Variants in FSTL4 observed in about 807,000 individuals in gnomAD.
The protein encoded by FSTL4 is follistatin-related protein 4.
FSTL4 carries 28 observed loss-of-function variants against 78.2 expected under a neutral mutation model. The ratio of observed to expected loss-of-function variants is 0.36; its 90% CI spans 0.27 to 0.49. The LOEUF (loss-of-function observed/expected upper bound fraction) is 0.49. FSTL4 is among the 20% of genes least tolerant of loss of function. The pLI is 0.98. For synonymous variants in FSTL4, 422 were observed against 440.5 expected (o/e 0.96, Z 0.53); for missense variants, 922 against 1,084.9 (o/e 0.85, Z 2.11).
chr5:133,325,300 G>C (rs561855969), intron 4 of FSTL4, among the ~76,000 whole-genome samples: 1 of 152,314 alleles, frequency 6.6e-6, no homozygotes, highest in Non-Finnish European at 1.5e-5. Context: ...TGGACCATCT[G>C]TGTTCTTGGG....
intron 3 of FSTL4, among the ~76,000 whole-genome samples, chr5:133,430,765 T>C (rs973570873): frequency 6.6e-6 from 1 of 152,184 alleles, no homozygotes; most frequent in African/African-American, 2.4e-5. Context: ...TTTTGAAGAA[T>C]GCACCCATAA....
chr5:133,391,394 G>A (rs1755846594), intron 4 of FSTL4, among the ~76,000 whole-genome samples: 2 of 152,164 alleles, frequency 1.3e-5, no homozygotes, highest in African/African-American at 4.8e-5. Context: ...GAGCACCTGA[G>A]CCACCGGCAC....
chr5:133,313,863 A>T (rs1753843560), intron 5 of FSTL4, among the ~76,000 whole-genome samples: 1 of 152,188 alleles, frequency 6.6e-6, no homozygotes, highest in South Asian at 2.1e-4. Context: ...TATAGGACTG[A>T]CAAGTTCTTC....
chr5:133,620,508 A>C, the FSTL4 span, among the ~76,000 whole-genome samples: 1 of 152,216 alleles, frequency 6.6e-6, no homozygotes, highest in African/African-American at 2.4e-5. Context: ...TTGTAGACTT[A>C]ACATTTTTTG....
At chr5:133,503,744 C>G (rs770420109) in intron 3 of FSTL4, among the ~76,000 whole-genome samples, 5 of 152,234 alleles carry the variant, frequency 3.3e-5, no homozygotes, top group Non-Finnish European at 7.3e-5. Context: ...AGCCAACAGC[C>G]TATGTGCTCT....
chr5:133,256,221 A>C (rs1254698587), intron 6 of FSTL4, among the ~76,000 whole-genome samples: 1 of 152,206 alleles, frequency 6.6e-6, no homozygotes, highest in Non-Finnish European at 1.5e-5. Context: ...GCGCTTAGAC[A>C]CATCTCTCTA....
intron 6 of FSTL4, among the ~76,000 whole-genome samples, chr5:133,278,885 C>T (rs1159430878): frequency 6.6e-6 from 1 of 152,230 alleles, no homozygotes; most frequent in Non-Finnish European, 1.5e-5. Context: ...TCAACTAAAG[C>T]CCAGATGGCA....
chr5:133,552,383 T>C (rs1008449419), intron 3 of FSTL4, among the ~76,000 whole-genome samples: 1 of 152,140 alleles, frequency 6.6e-6, no homozygotes, highest in African/African-American at 2.4e-5. Context: ...GTGAGGACTG[T>C]GGAAAAGCAG....
chr5:133,496,388 C>T (rs943093941), intron 3 of FSTL4, among the ~76,000 whole-genome samples: 6 of 152,338 alleles, frequency 3.9e-5, no homozygotes, highest in African/African-American at 1.4e-4. Context: ...TGCTAACCCC[C>T]TTCAGAGGGC....
the FSTL4 span, among the ~76,000 whole-genome samples, chr5:133,772,970 T>C: frequency 0.2 from 30,073 of 152,008 alleles, 3,253 homozygotes; most frequent in East Asian, 0.41. Context: ...AAGCACTTAA[T>C]ATGGCACCTA....
At chr5:133,652,931 A>G in the FSTL4 span, among the ~76,000 whole-genome samples, 1 of 152,142 alleles carries the variant, frequency 6.6e-6, no homozygotes, top group Non-Finnish European at 1.5e-5. Context: ...TGGGGGTTTA[A>G]TTTTCATTAT....
At chr5:133,599,857 G>A (rs978531283) in intron 2 of FSTL4, among the ~76,000 whole-genome samples, 1 of 151,320 alleles carries the variant, frequency 6.6e-6, no homozygotes, top group Non-Finnish European at 1.5e-5. Context: ...TGGGGGGGCG[G>A]CCACTGCAGC....
chr5:133,294,050 C>T (rs1753330050), intron 6 of FSTL4, among the ~76,000 whole-genome samples: 1 of 152,186 alleles, frequency 6.6e-6, no homozygotes, highest in Admixed American at 6.5e-5. Context: ...TTCCCACTCC[C>T]ATACCTGCCT....
rs538624460 is a variant in FSTL4, at chr5:133,530,856, A to G, written c.160+36330T>C. Among the ~76,000 whole-genome samples, 3 of 152,292 alleles carry G rather than the reference A, an allele frequency of 2.0e-5. No individual in the cohort carries two copies. In the East Asian group the frequency reaches 5.8e-4, roughly 29 times the overall value. On this transcript the variant is annotated intron_variant, in intron 3 of 15. Transcript: ENST00000265342. ...GACCTGGCAGGCTGAGCTGGGCCAG[A>G]GACTCAGACTCACACAGGCCCTGAG...
chr5:133,275,127 G>C (rs1752851693), intron 6 of FSTL4, among the ~76,000 whole-genome samples: 1 of 151,712 alleles, frequency 6.6e-6, no homozygotes, highest in African/African-American at 2.4e-5. Flanking sequence ...AGCTGGGCTT[G>C]GTGGTGCACG....
chr5:133,460,527 A>C (rs1348118404), intron 3 of FSTL4, among the ~76,000 whole-genome samples: 2 of 152,194 alleles, frequency 1.3e-5, no homozygotes, highest in African/African-American at 4.8e-5. Context: ...CCAGGGCTCT[A>C]TTCCTAGAGA....
At chr5:133,574,932 C>T (rs947474358) in intron 2 of FSTL4, 6 of 152,000 alleles carry the variant, frequency 3.9e-5, no homozygotes, top group Non-Finnish European at 8.8e-5. Context: ...CCGGGGGACA[C>T]AGAATGGTTT....
chr5:133,746,482 G>A, the FSTL4 span, among the ~76,000 whole-genome samples: 3 of 152,162 alleles, frequency 2.0e-5, no homozygotes, highest in African/African-American at 4.8e-5. Context: ...TTTGTCTTCC[G>A]AATCTGGAAA....
the FSTL4 span, among the ~76,000 whole-genome samples, chr5:133,731,931 G>T: frequency 2.6e-5 from 4 of 152,230 alleles, no homozygotes; most frequent in Admixed American, 1.3e-4. Context: ...ATACTCAAAA[G>T]CTTCACCAGC....
Sources: gnomAD v4.1 joint callset for allele counts (sites outside exome capture counted in the v4.1 genomes callset) on GRCh38, gnomAD v4.1.1 for gene constraint, MANE v1.5 for transcripts, NCBI Gene and HGNC (gene_info 2026-07-23, HGNC 2026-07-21) for gene names.